KMT5A: variants seen among roughly 807,000 people sequenced by gnomAD.
The protein encoded by KMT5A is N-lysine methyltransferase KMT5A.
KMT5A carries 6 observed loss-of-function variants against 40.6 expected under a neutral mutation model. The observed-to-expected ratio is 0.15, with a 90% CI of 0.08 to 0.29. The LOEUF (loss-of-function observed/expected upper bound fraction) is 0.29. KMT5A is among the 10% of genes least tolerant of loss of function. The pLI is 1.00. For missense variants in KMT5A, 308 were observed against 459.1 expected (o/e 0.67, Z 3.01); for synonymous variants, 153 against 178.8 (o/e 0.86, Z 1.15).
intron 5 of KMT5A, among the ~76,000 whole-genome samples, chr12:123,397,212 C>CA (rs1224514487): frequency 1.3e-5 from 2 of 152,222 alleles, no homozygotes; most frequent in African/African-American, 4.8e-5. Flanking sequence ...GGCAGGCAGT[C>CA]AATATTTGCT....
At chr12:123,406,647 ACT>A (rs1378371357) in intron 7 of KMT5A, among the ~76,000 whole-genome samples, 1 of 151,522 alleles carries the variant, frequency 6.6e-6, no homozygotes, top group African/African-American at 2.4e-5. Flanking sequence ...ATTTTGTGAA[ACT>A]CTACCATTTC....
Position 123,390,790 on chromosome 12 carries a change from AG to A in KMT5A, c.289+5del. The A allele has an allele frequency of 6.2e-7, 1 of 1,613,792 alleles. No homozygotes were observed. Among genetic ancestry groups the A allele is most frequent in the Non-Finnish European group, 8.5e-7 (1 of 1,179,760 alleles). ...GGAATCTACAGGAAACGAGAAGGTA[AG>A]CTTTTGAAATGGCCTCGTTCTGATC... On this transcript the variant is annotated splice_donor_5th_base_variant and intron_variant, in intron 3 of 7. Coordinates refer to ENST00000402868, the MANE Select transcript of KMT5A (RefSeq NM_020382.7).
At chr12:123,388,745 G>C (rs1355616912) in intron 1 of KMT5A, 1 of 151,060 alleles carries the variant, frequency 6.6e-6, no homozygotes, top group Admixed American at 6.6e-5. Context: ...AAAGGAGCCG[G>C]GCGGGCTGGC....
At chr12:123,404,377 G>A (rs1490828815) in intron 6 of KMT5A, among the ~76,000 whole-genome samples, 1 of 152,140 alleles carries the variant, frequency 6.6e-6, no homozygotes, top group African/African-American at 2.4e-5. Flanking sequence ...ACTCCATGTA[G>A]AATAGAGTGA....
rs893337717 is a variant in KMT5A, at chr12:123,403,473, C to T, written c.598-100C>T. The T allele has an allele frequency of 5.4e-5, 71 of 1,309,142 alleles. No homozygotes were observed. In the East Asian group the frequency reaches 1.1e-3, roughly 20 times the overall value. The allele number at this position is 1,309,142 out of a possible 1,614,324, so 81.1% of individuals were successfully genotyped here. On this transcript the variant is annotated intron_variant, in intron 5 of 7. Coordinates refer to ENST00000402868, the MANE Select transcript of KMT5A (RefSeq NM_020382.7). ...ATGCCAAATGAGGCCGATTGTGGCC[C>T]GGTGGGCATGGCCTGGGCAATCAGG... is the stretch of plus-strand genomic sequence containing the variant.
intron 6 of KMT5A, 75 bp downstream of exon 6, chr12:123,403,707 G>A (rs1023776258): frequency 5.1e-6 from 8 of 1,564,882 alleles, no homozygotes; most frequent in Non-Finnish European, 6.2e-6. Flanking sequence ...GTGGCTGAGA[G>A]TGGCCACCAT....
chr12:123,397,130 G>T (rs1877788690), intron 5 of KMT5A, among the ~76,000 whole-genome samples: 1 of 152,272 alleles, frequency 6.6e-6, no homozygotes, highest in Admixed American at 6.5e-5. Flanking sequence ...AGACCAGTGA[G>T]CAGCACCGGC....
intron 7 of KMT5A, among the ~76,000 whole-genome samples, chr12:123,406,671 C>A (rs1386052099): frequency 4.6e-5 from 7 of 152,048 alleles, no homozygotes; most frequent in Non-Finnish European, 1.0e-4. Context: ...TCCTGTGCCT[C>A]CATAAAGAGC....
chr12:123,408,299 C>T lies in KMT5A; in HGVS notation c.*596C>T, dbSNP rs1328071812. On this transcript the variant is annotated 3_prime_UTR_variant, in exon 8 of 8. Coordinates refer to ENST00000402868, the MANE Select transcript of KMT5A (RefSeq NM_020382.7). ...CCCCGGGCCCCAAGCACGGGCCGGG[C>T]ATAGATTTCCTCTTCCACAAGCTGC... 2 of 152,608 alleles carry T rather than the reference C, an allele frequency of 1.3e-5. No homozygotes were observed. The highest frequency in any genetic ancestry group is 4.8e-5 in the African/African-American group (2 of 41,440). The allele number at this position is 152,608 out of a possible 1,614,324, so 9.5% of individuals were successfully genotyped here. A position where few individuals can be genotyped will look rare whatever the true frequency, so the allele number is the denominator to read the frequency against.
In KMT5A at chr12:123,405,117, C is replaced by A; in HGVS notation, c.848+43C>A. The A allele has an allele frequency of 6.5e-7, 1 of 1,542,266 alleles. No individual in the cohort carries two copies. The highest frequency in any genetic ancestry group is 8.8e-7 in the Non-Finnish European group (1 of 1,139,056). ...TAGAGTGGCTTTTCTGTCCTCTGGG[C>A]AGTGAGGAGAGGCCAAAGGGCCAGG... is the stretch of plus-strand genomic sequence containing the variant. On this transcript the variant is annotated intron_variant, in intron 7 of 7. Coordinates refer to ENST00000402868, the MANE Select transcript of KMT5A (RefSeq NM_020382.7).
chr12:123,401,144 CT>C (rs58431238), intron 5 of KMT5A, among the ~76,000 whole-genome samples: 4 of 75,676 alleles, frequency 5.3e-5, no homozygotes, highest in East Asian at 4.4e-4. Context: ...ATATATCTTT[CT>C]TTTTTTTTTT....
Position 123,389,959 on chromosome 12 carries a change from C to G in KMT5A, c.132+405C>G. On this transcript the variant is annotated intron_variant, in intron 2 of 7. Transcript: ENST00000402868. ...AGAGGAGGGGCCCCACGCCCAGAGG[C>G]GCCCGCAGTGACCTGAACCGCCCCA... 9.3e-6 allele frequency: 4 copies of G among 428,494 alleles called. No individual in the cohort carries two copies. In the Admixed American group the frequency reaches 1.1e-4, roughly 11 times the overall value. The allele number at this position is 428,494 out of a possible 1,614,324, so 26.5% of individuals were successfully genotyped here.
chr12:123,393,863 C>T (rs1877489021), intron 3 of KMT5A, among the ~76,000 whole-genome samples: 1 of 152,100 alleles, frequency 6.6e-6, no homozygotes, highest in Admixed American at 6.6e-5. Context: ...GTTTATTCAT[C>T]TGTTGATGGA....
At chr12:123,388,599 G>A (rs1007448061) in intron 1 of KMT5A, 2 of 152,274 alleles carry the variant, frequency 1.3e-5, no homozygotes, top group African/African-American at 4.8e-5. Context: ...TGGGCGTGCG[G>A]GGAGGATTCA....
intron 5 of KMT5A, among the ~76,000 whole-genome samples, chr12:123,397,096 G>A (rs966097897): frequency 2.0e-5 from 3 of 152,184 alleles, no homozygotes; most frequent in African/African-American, 4.8e-5. Context: ...TCTTTCCCAC[G>A]CTGCTGCCAT....
intron 7 of KMT5A, among the ~76,000 whole-genome samples, chr12:123,405,409 G>A (rs1196905267): frequency 1.3e-5 from 2 of 151,388 alleles, no homozygotes; most frequent in African/African-American, 2.4e-5. Flanking sequence ...GACCTCAGAC[G>A]ATCCACCCGC....
rs1878718844 is a variant in KMT5A at position 123,408,289 on chromosome 12, A to G, written c.*586A>G. 1 of 152,590 alleles carries G rather than the reference A, an allele frequency of 6.6e-6. No homozygotes were observed. The highest frequency in any genetic ancestry group is 2.1e-4 in the South Asian group (1 of 4,836). 9.5% of individuals were successfully genotyped at this position (152,590 alleles called of 1,614,324 possible). On this transcript the variant is annotated 3_prime_UTR_variant, in exon 8 of 8. Coordinates refer to ENST00000402868, the MANE Select transcript of KMT5A (RefSeq NM_020382.7). ...GCTTACTGAGCCCCGGGCCCCAAGCACGGGCCGGGCATAGATTTCCTCTTC... is the reference window on the plus strand; with the variant it reads ...GCTTACTGAGCCCCGGGCCCCAAGCGCGGGCCGGGCATAGATTTCCTCTTC...
intron 7 of KMT5A, 67 bp from the exon 8 acceptor site, chr12:123,407,426 G>A: frequency 6.9e-7 from 1 of 1,446,166 alleles, no homozygotes. Context: ...GAGCACAAGT[G>A]TGACTCTCTT....
chr12:123,405,727 G>C (rs1878500829), intron 7 of KMT5A, among the ~76,000 whole-genome samples: 1 of 151,426 alleles, frequency 6.6e-6, no homozygotes, highest in Non-Finnish European at 1.5e-5. Context: ...CATTATGTTG[G>C]CCAGGCTGGT....
Sources: allele counts gnomAD v4.1 joint callset (sites outside exome capture counted in the v4.1 genomes callset), GRCh38; gene constraint gnomAD v4.1.1; transcripts MANE v1.5; gene names NCBI Gene and HGNC (gene_info 2026-07-23, HGNC 2026-07-21).